The following THRB variants were observed in gnomAD, a reference collection of about 807,000 sequenced individuals.
THRB encodes the protein nuclear receptor subfamily 1 group A member 2.
A neutral mutation model predicts 47.8 loss-of-function variants in THRB; 12 were observed. That is an observed-to-expected ratio of 0.25 (90% CI 0.16 to 0.41). The LOEUF (loss-of-function observed/expected upper bound fraction) is 0.41. Ranked by LOEUF, THRB falls within the 10% of genes least tolerant of loss-of-function variation. The pLI, the probability that THRB is intolerant of heterozygous loss-of-function variation, is 1.00. For missense variants in THRB, 348 were observed against 589.2 expected (o/e 0.59, Z 4.24); for synonymous variants, 218 against 212.2 (o/e 1.03, Z -0.24).
At chr3:24,387,567 A>C (rs758766676) in intron 1 of THRB, among the ~76,000 whole-genome samples, 1 of 152,146 alleles carries the variant, frequency 6.6e-6, no homozygotes, top group Non-Finnish European at 1.5e-5. Context: ...TACCAACTAA[A>C]TACCAAACTT....
intron 1 of THRB, among the ~76,000 whole-genome samples, chr3:24,475,799 GT>G (rs1695366916): frequency 3.3e-5 from 5 of 152,092 alleles, no homozygotes; most frequent in South Asian, 2.1e-4. Context: ...GTCTAATAAA[GT>G]AAAGATTCTA....
chr3:24,168,406 GT>G (rs1417400664), intron 5 of THRB, among the ~76,000 whole-genome samples: 5 of 151,578 alleles, frequency 3.3e-5, no homozygotes, highest in Non-Finnish European at 4.4e-5. Context: ...CAGCTTAAGA[GT>G]TATTTCACTT....
At chr3:24,131,100 T>C (rs1046274117) in intron 9 of THRB, among the ~76,000 whole-genome samples, 4 of 152,196 alleles carry the variant, frequency 2.6e-5, no homozygotes, top group Admixed American at 2.6e-4. Flanking sequence ...TTATGACATA[T>C]CCACATTCTT....
intron 1 of THRB, among the ~76,000 whole-genome samples, chr3:24,408,554 C>A (rs1005091189): frequency 5.9e-5 from 9 of 151,750 alleles, no homozygotes; most frequent in Non-Finnish European, 8.8e-5. Flanking sequence ...GGTATGCAAT[C>A]ATATTTGGAC....
intron 3 of THRB, among the ~76,000 whole-genome samples, chr3:24,269,019 A>T (rs1466622433): frequency 6.6e-6 from 1 of 152,226 alleles, no homozygotes; most frequent in Non-Finnish European, 1.5e-5. Context: ...AGGGTATTAT[A>T]TAGTTTGTCA....
intron 3 of THRB, among the ~76,000 whole-genome samples, chr3:24,234,619 C>T (rs1403954645): frequency 1.3e-5 from 2 of 152,158 alleles, no homozygotes; most frequent in Non-Finnish European, 2.9e-5. Flanking sequence ...GGAGCCCACT[C>T]CTGCAAGGCT....
At chr3:24,326,276 C>T (rs1375717769) in intron 2 of THRB, among the ~76,000 whole-genome samples, 1 of 152,200 alleles carries the variant, frequency 6.6e-6, no homozygotes, top group African/African-American at 2.4e-5. Flanking sequence ...CATTCTGTTG[C>T]CCAGGCTGAA....
At chr3:24,437,067 T>C (rs1400413901) in intron 1 of THRB, among the ~76,000 whole-genome samples, 1 of 150,154 alleles carries the variant, frequency 6.7e-6, no homozygotes, top group Non-Finnish European at 1.5e-5. Flanking sequence ...TGTGTATATA[T>C]ATATCATATA....
At chr3:24,440,110 C>A (rs1439520979) in intron 1 of THRB, among the ~76,000 whole-genome samples, 1 of 152,184 alleles carries the variant, frequency 6.6e-6, no homozygotes, top group African/African-American at 2.4e-5. Flanking sequence ...TTCGCATGTG[C>A]TGTCTGTCTC....
chr3:24,125,613 G>C (rs1366113810), intron 10 of THRB, among the ~76,000 whole-genome samples: 1 of 152,106 alleles, frequency 6.6e-6, no homozygotes, highest in Non-Finnish European at 1.5e-5. Context: ...ATTTCTTTGA[G>C]ACTAATTCTC....
intron 5 of THRB, among the ~76,000 whole-genome samples, chr3:24,181,913 A>T (rs1256008462): frequency 6.6e-6 from 1 of 152,154 alleles, no homozygotes; most frequent in Non-Finnish European, 1.5e-5. Flanking sequence ...TTGAAAGACC[A>T]CAGTGGGGCC....
rs981288884 is a variant in THRB, at chr3:24,339,169, A to AT, written c.-260-1799dup. 4.7e-4 allele frequency among the ~76,000 whole-genome samples: 71 copies of AT among 151,044 alleles called. No homozygotes were observed. The South Asian group carries it at 7.1e-3, about 15-fold the overall frequency. ...TTGGATGCAAAAATTGGACCTCAAT[A>AT]TTTTTTTTTGAGAGTGTAATTTTGA... On this transcript the variant is annotated intron_variant, in intron 1 of 10. Coordinates refer to ENST00000646209, the MANE Select transcript of THRB (RefSeq NM_001354712.2).
intron 2 of THRB, among the ~76,000 whole-genome samples, chr3:24,301,416 C>T (rs1407367377): frequency 6.6e-6 from 1 of 152,024 alleles, no homozygotes; most frequent in African/African-American, 2.4e-5. Context: ...ATATCTTTTC[C>T]CCATTTTCCC....
intron 3 of THRB, among the ~76,000 whole-genome samples, chr3:24,244,929 G>GA: frequency 6.6e-6 from 1 of 152,198 alleles, no homozygotes. Flanking sequence ...TGTGAAGGGG[G>GA]AAACTTTCTT....
At chr3:24,285,151 T>C (rs1024727620) in intron 3 of THRB, among the ~76,000 whole-genome samples, 14 of 149,810 alleles carry the variant, frequency 9.3e-5, no homozygotes, top group Admixed American at 8.0e-4. Context: ...ATTGCGGCAT[T>C]ATTCACAATA....
At chr3:24,239,746 T>C (rs2049284918) in intron 3 of THRB, among the ~76,000 whole-genome samples, 1 of 152,124 alleles carries the variant, frequency 6.6e-6, no homozygotes, top group Admixed American at 6.5e-5. Context: ...AAATTTAGAA[T>C]GTGTATTTCC....
intron 3 of THRB, among the ~76,000 whole-genome samples, chr3:24,269,422 C>CAT (rs961174547): frequency 6.8e-6 from 1 of 147,130 alleles, no homozygotes; most frequent in Non-Finnish European, 1.5e-5. Context: ...CACACACACA[C>CAT]ACACACACAC....
At chr3:24,459,932 G>T (rs933716706) in intron 1 of THRB, among the ~76,000 whole-genome samples, 2 of 151,932 alleles carry the variant, frequency 1.3e-5, no homozygotes, top group Admixed American at 6.6e-5. Flanking sequence ...ATAATATCAC[G>T]CTCTTATTAA....
chr3:24,202,561 G>C (rs1248516364), intron 4 of THRB, among the ~76,000 whole-genome samples: 2 of 152,130 alleles, frequency 1.3e-5, no homozygotes, highest in Non-Finnish European at 2.9e-5. Flanking sequence ...AGCAACCAAG[G>C]TCATGAAGAA....
Sources: allele counts gnomAD v4.1 joint callset (sites outside exome capture counted in the v4.1 genomes callset), GRCh38; gene constraint gnomAD v4.1.1; transcripts MANE v1.5; gene names NCBI Gene and HGNC (gene_info 2026-07-23, HGNC 2026-07-21).